Variants in PRKN observed in about 807,000 individuals in gnomAD.
The protein encoded by PRKN is parkin RBR E3 ubiquitin protein ligase, also known as E3 ubiquitin-protein ligase parkin.
Under a neutral mutation model 59.5 loss-of-function variants are expected in PRKN, and 56 were observed. The ratio of observed to expected loss-of-function variants is 0.94; its 90% CI spans 0.76 to 1.18. PRKN has a LOEUF of 1.18. Ranked by LOEUF, PRKN falls within the 50% of genes most tolerant of loss-of-function variation. PRKN has a pLI of 0.00. For synonymous variants in PRKN, 250 were observed against 222.1 expected, an observed-to-expected ratio of 1.13 and a Z score of -1.12; for missense variants, 657 against 596.4, an observed-to-expected ratio of 1.10 and a Z score of -1.06.
rs578196109 is a variant in PRKN at position 162,325,576 on chromosome 6, C to T, written c.172-62811G>A. Among the ~76,000 whole-genome samples the T allele has an allele frequency of 7.2e-5, 11 of 152,222 alleles. No individual in the cohort carries two copies. The South Asian group carries it at 1.9e-3, about 26-fold the overall frequency. Reference sequence around the variant, plus strand: ...TGTAATCCAGCAGGACAGTGGAATGCTACTGGTGAGACCTACAAACTAAGT... The same window carrying T: ...TGTAATCCAGCAGGACAGTGGAATGTTACTGGTGAGACCTACAAACTAAGT... On this transcript the variant is annotated intron_variant, in intron 2 of 11. Transcript: ENST00000366898.
intron 2 of PRKN, among the ~76,000 whole-genome samples, chr6:162,360,315 C>T (rs910776516): frequency 6.6e-6 from 1 of 152,026 alleles, no homozygotes; most frequent in Non-Finnish European, 1.5e-5. Flanking sequence ...TCAACAATTC[C>T]TAATTTTTCT....
At chr6:162,021,027 C>T (rs958280948) in intron 5 of PRKN, among the ~76,000 whole-genome samples, 25 of 147,806 alleles carry the variant, frequency 1.7e-4, no homozygotes, top group South Asian at 1.3e-3. Context: ...TGCTTGAATC[C>T]GGGAGGTGGA....
intron 1 of PRKN, among the ~76,000 whole-genome samples, chr6:162,716,361 T>G (rs565552813): frequency 6.6e-6 from 1 of 152,354 alleles, no homozygotes; most frequent in South Asian, 2.1e-4. Flanking sequence ...ACTTAATAAT[T>G]TAAAATTCTA....
intron 3 of PRKN, among the ~76,000 whole-genome samples, chr6:162,224,842 G>A (rs1414459873): frequency 6.6e-6 from 1 of 152,076 alleles, no homozygotes; most frequent in African/African-American, 2.4e-5. Context: ...GCTCTGAGCT[G>A]CTATAAGAGT....
intron 1 of PRKN, among the ~76,000 whole-genome samples, chr6:162,485,562 C>T (rs1210912348): frequency 2.0e-5 from 3 of 152,150 alleles, no homozygotes; most frequent in Admixed American, 6.5e-5. Context: ...CCCACCTGCA[C>T]ACTGGTATTT....
rs2115191822 is a variant in PRKN, at chr6:161,470,750, G to T, written c.1083+78104C>A. Reference sequence around the variant, plus strand: ...TCCTCCCATCTGTCCTTCTGAGAGTGGACTGTTCCAGTGATGTGCCTACCC... The same window carrying T: ...TCCTCCCATCTGTCCTTCTGAGAGTTGACTGTTCCAGTGATGTGCCTACCC... On this transcript the variant is annotated intron_variant, in intron 9 of 11. Coordinates refer to ENST00000366898, the MANE Select transcript of PRKN (RefSeq NM_004562.3). This position sits in a 1 kb window ranked among gnomAD's most constrained non-coding sequence, Gnocchi z 5.1. Among the ~76,000 whole-genome samples, 1 of 152,304 alleles carries T rather than the reference G, an allele frequency of 6.6e-6. No individual in the cohort carries two copies. The highest frequency in any genetic ancestry group is 2.4e-5 in the African/African-American group (1 of 41,574).
chr6:161,511,239 A>C (rs1268222892), intron 9 of PRKN, among the ~76,000 whole-genome samples: 1 of 152,254 alleles, frequency 6.6e-6, no homozygotes, highest in East Asian at 1.9e-4. Flanking sequence ...CTGCAGGAGC[A>C]GTTCAATTTG....
intron 2 of PRKN, among the ~76,000 whole-genome samples, chr6:162,333,469 T>G (rs1783683853): frequency 6.6e-6 from 1 of 152,184 alleles, no homozygotes; most frequent in South Asian, 2.1e-4. Flanking sequence ...TATTTCAAAC[T>G]TTTCCACTAT....
chr6:162,040,939 C>A (rs1048620860), intron 5 of PRKN, among the ~76,000 whole-genome samples: 1 of 151,372 alleles, frequency 6.6e-6, no homozygotes, highest in Non-Finnish European at 1.5e-5. Flanking sequence ...TACCATGGAA[C>A]GTTGGGAAGC....
intron 5 of PRKN, among the ~76,000 whole-genome samples, chr6:162,023,504 G>C (rs1446634542): frequency 6.6e-6 from 1 of 152,068 alleles, no homozygotes; most frequent in African/African-American, 2.4e-5. Context: ...CAAACTCCAC[G>C]TGGTTCTGCT....
chr6:162,045,582 G>C (rs183856692), intron 5 of PRKN, among the ~76,000 whole-genome samples: 52 of 152,298 alleles, frequency 3.4e-4, no homozygotes, highest in African/African-American at 1.3e-3. Flanking sequence ...TGGTAAACTG[G>C]CTTTAAGGGA....
chr6:162,646,688 A>G (rs146897926), intron 1 of PRKN, among the ~76,000 whole-genome samples: 5 of 152,268 alleles, frequency 3.3e-5, no homozygotes, highest in Non-Finnish European at 7.4e-5. Context: ...TGAGTACGTT[A>G]TAGAGTGCAC....
chr6:162,108,805 T>A (rs1469476991), intron 4 of PRKN, among the ~76,000 whole-genome samples: 3 of 152,154 alleles, frequency 2.0e-5, no homozygotes, highest in Non-Finnish European at 4.4e-5. Context: ...TTAATCACCA[T>A]CACAGGAACA....
intron 8 of PRKN, among the ~76,000 whole-genome samples, chr6:161,556,381 A>G (rs1780238853): frequency 6.6e-6 from 1 of 152,198 alleles, no homozygotes; most frequent in Non-Finnish European, 1.5e-5. Flanking sequence ...TAAGAAAAAC[A>G]CTGACCTGGA....
rs547010656 is a variant in PRKN at position 161,869,410 on chromosome 6, T to G, written c.735-83502A>C. Among the ~76,000 whole-genome samples, 81 of 150,308 alleles carry G rather than the reference T, an allele frequency of 5.4e-4. No homozygotes were observed. In the East Asian group the frequency reaches 5.8e-3, roughly 11 times the overall value. On this transcript the variant is annotated intron_variant, in intron 6 of 11. Coordinates refer to ENST00000366898, the MANE Select transcript of PRKN (RefSeq NM_004562.3). ...AAAATAAAAATAAAATAAAATAAAA[T>G]AAAAGAAAGGCGATGGTCAACCCAT...
At chr6:161,825,786 C>G (rs1319159047) in intron 6 of PRKN, among the ~76,000 whole-genome samples, 1 of 152,116 alleles carries the variant, frequency 6.6e-6, no homozygotes, top group Non-Finnish European at 1.5e-5. Context: ...CAAAGGCCTC[C>G]TTCCCTTCTC....
At position 161,417,625 on chromosome 6, in the gene PRKN, T is replaced by G. The variant is rs1263369333; in HGVS notation, c.1084-30748A>C. On this transcript the variant is annotated intron_variant, in intron 9 of 11. Coordinates refer to ENST00000366898, the MANE Select transcript of PRKN (RefSeq NM_004562.3). The surrounding 1 kb of genome is among the most constrained non-coding windows in gnomAD (Gnocchi z 5.4). ...CGGGGCTGGGGGTTACATCTATTGT[T>G]TCCTGTAATTGTCACAGCAGTACTC... 2.0e-5 allele frequency among the ~76,000 whole-genome samples: 3 copies of G among 152,098 alleles called. No homozygotes were observed. Among genetic ancestry groups the G allele is most frequent in the Non-Finnish European group, 4.4e-5 (3 of 68,032 alleles).
At chr6:161,572,797 G>C (rs1284702966) in intron 7 of PRKN, among the ~76,000 whole-genome samples, 1 of 152,176 alleles carries the variant, frequency 6.6e-6, no homozygotes, top group South Asian at 2.1e-4. Context: ...AGATGCTTGA[G>C]CTGAGTGCTT....
At chr6:161,970,757 C>T (rs949912127) in intron 6 of PRKN, among the ~76,000 whole-genome samples, 1 of 152,022 alleles carries the variant, frequency 6.6e-6, no homozygotes, top group Admixed American at 6.5e-5. Context: ...AGGCTGGTCT[C>T]GAACTTCTGA....
Sources: gnomAD v4.1 joint callset for allele counts (sites outside exome capture counted in the v4.1 genomes callset) on GRCh38, gnomAD v4.1.1 for gene constraint, Gnocchi (gnomAD v3.1) non-coding constraint, MANE v1.5 for transcripts, NCBI Gene and HGNC (gene_info 2026-07-23, HGNC 2026-07-21) for gene names.